The following KBTBD12 variants were observed in gnomAD, a reference collection of about 807,000 sequenced individuals.
The protein encoded by KBTBD12 is kelch repeat and BTB domain containing 12, also known as kelch repeat and BTB domain-containing protein 12.
Under a neutral mutation model 58.7 loss-of-function variants are expected in KBTBD12, and 53 were observed. The observed-to-expected ratio is 0.90, with a 90% CI of 0.72 to 1.14. The LOEUF is 1.14. Ranked by LOEUF, KBTBD12 falls within the 50% of genes most tolerant of loss-of-function variation. The pLI, the probability that KBTBD12 is intolerant of heterozygous loss-of-function variation, is 0.00. For synonymous variants in KBTBD12, 236 were observed against 259.8 expected (o/e 0.91, Z 0.88); for missense variants, 704 against 751.3 (o/e 0.94, Z 0.74).
rs578023708 is a variant in KBTBD12, at chr3:127,921,133, T to G, written c.-112-1817T>G. ...CAGTTTTACCAAGAAAATTGCATAT[T>G]GTACATGCATGGCCTTATTTAATTC... On this transcript the variant is annotated intron_variant, in intron 1 of 5. Coordinates refer to ENST00000405109, the MANE Select transcript of KBTBD12 (RefSeq NM_207335.4). Among the ~76,000 whole-genome samples the G allele has an allele frequency of 2.6e-5, 4 of 152,288 alleles. No individual in the cohort carries two copies. In the South Asian group the frequency reaches 8.3e-4, roughly 32 times the overall value.
intron 3 of KBTBD12, 112 bp downstream of exon 3, chr3:127,928,146 A>C (rs1415986188): frequency 2.2e-6 from 2 of 909,458 alleles, no homozygotes; most frequent in Admixed American, 4.8e-5. Flanking sequence ...CATTTTGGTA[A>C]AATGCTTTCT....
At chr3:127,979,937 A>G (rs1450398043) in intron 5 of KBTBD12, among the ~76,000 whole-genome samples, 2 of 152,242 alleles carry the variant, frequency 1.3e-5, no homozygotes, top group Non-Finnish European at 1.5e-5. Context: ...GCATTCAGTG[A>G]AAGGGTAGTC....
intron 5 of KBTBD12, among the ~76,000 whole-genome samples, chr3:127,981,815 C>T (rs1940877912): frequency 6.6e-6 from 1 of 152,118 alleles, no homozygotes; most frequent in Non-Finnish European, 1.5e-5. Flanking sequence ...TGGCGGGTGC[C>T]TGTAAATATG....
At position 127,923,909 on chromosome 3, in the gene KBTBD12, A is replaced by G. The variant is rs1302204930; in HGVS notation, c.848A>G (p.Asn283Ser). 1.2e-6 allele frequency: 2 copies of G among 1,613,926 alleles called. No homozygotes were observed. The highest frequency in any genetic ancestry group is 1.7e-5 in the Admixed American group (1 of 60,002). The change falls in exon 2 of 6, where the codon AAT becomes AGT. Residue 283 changes from asparagine to serine, a missense_variant. Asn to Ser is a conservative substitution (Grantham distance 46, BLOSUM62 1). Transcript: ENST00000405109. Reference sequence around the variant, plus strand: ...AGTCTTCTGCTTTGCATTGGCAACAATTCTTCAGGAATCAGATCAAGACAT... The same window carrying G: ...AGTCTTCTGCTTTGCATTGGCAACAGTTCTTCAGGAATCAGATCAAGACAT... ...TTSLLLCIGN[N>S]SSGIRSRHRS...
At chr3:127,972,033 T>G (rs1033042928) in intron 5 of KBTBD12, among the ~76,000 whole-genome samples, 2 of 152,220 alleles carry the variant, frequency 1.3e-5, no homozygotes, top group African/African-American at 2.4e-5. Context: ...GAAAATGCAC[T>G]GGGAAGTACT....
intron 1 of KBTBD12, among the ~76,000 whole-genome samples, chr3:127,917,774 C>A (rs1939289435): frequency 6.6e-6 from 1 of 152,126 alleles, no homozygotes; most frequent in African/African-American, 2.4e-5. Context: ...TAGAAAAAAT[C>A]TTGAATATAA....
At chr3:127,954,442 G>A (rs1449206522) in intron 4 of KBTBD12, among the ~76,000 whole-genome samples, 1 of 152,130 alleles carries the variant, frequency 6.6e-6, no homozygotes, top group Non-Finnish European at 1.5e-5. Context: ...TTTAAATATG[G>A]TACCAGGGGC....
chr3:127,934,616 TACATA>T (rs1241032304), intron 4 of KBTBD12, among the ~76,000 whole-genome samples: 1 of 152,042 alleles, frequency 6.6e-6, no homozygotes, highest in Admixed American at 6.6e-5. Flanking sequence ...CTCACCTAAA[TACATA>T]ACAGAAGAAC....
At chr3:127,927,052 T>C (rs992382578) in intron 2 of KBTBD12, among the ~76,000 whole-genome samples, 12 of 152,114 alleles carry the variant, frequency 7.9e-5, no homozygotes, top group African/African-American at 2.9e-4. Context: ...AATCAGTTAA[T>C]GTGTTGGACT....
At chr3:127,932,532 T>A (rs72975938) in intron 4 of KBTBD12, among the ~76,000 whole-genome samples, 8,559 of 152,196 alleles carry the variant, frequency 0.056, 280 homozygotes, top group East Asian at 0.097. Context: ...ATAATGGATT[T>A]AATTTCTTAC....
At chr3:127,918,720 A>AC (rs1043618406) in intron 1 of KBTBD12, among the ~76,000 whole-genome samples, 1 of 151,910 alleles carries the variant, frequency 6.6e-6, no homozygotes, top group Non-Finnish European at 1.5e-5. Flanking sequence ...TCAAAAAAAA[A>AC]AAAAAGAAAA....
At chr3:127,948,299 G>A (rs1324469525) in intron 4 of KBTBD12, among the ~76,000 whole-genome samples, 2 of 151,836 alleles carry the variant, frequency 1.3e-5, no homozygotes, top group Admixed American at 1.3e-4. Flanking sequence ...GTTAGCAGAG[G>A]CCTTGGGGAG....
intron 4 of KBTBD12, among the ~76,000 whole-genome samples, chr3:127,950,043 G>T (rs1356228390): frequency 6.6e-6 from 1 of 152,100 alleles, no homozygotes; most frequent in Non-Finnish European, 1.5e-5. Context: ...TTAAGAGTTG[G>T]CTTTATAGTT....
intron 4 of KBTBD12, among the ~76,000 whole-genome samples, chr3:127,958,014 A>T (rs942778463): frequency 6.6e-6 from 1 of 152,170 alleles, no homozygotes. Context: ...GAGGAGGAGA[A>T]GAGGCCATTC....
intron 5 of KBTBD12, among the ~76,000 whole-genome samples, chr3:127,973,140 G>T (rs1333040502): frequency 6.6e-6 from 1 of 152,094 alleles, no homozygotes; most frequent in Admixed American, 6.5e-5. Context: ...ATTCAGTATA[G>T]AGTCTTCTCA....
At chr3:127,945,587 A>T in intron 4 of KBTBD12, among the ~76,000 whole-genome samples, 1 of 150,240 alleles carries the variant, frequency 6.7e-6, no homozygotes, top group South Asian at 2.1e-4. Context: ...GGTTATTTGT[A>T]TTTATTTTGA....
chr3:127,956,125 C>G (rs1359185279), intron 4 of KBTBD12, among the ~76,000 whole-genome samples: 1 of 152,260 alleles, frequency 6.6e-6, no homozygotes, highest in African/African-American at 2.4e-5. Context: ...GAGTGAATGG[C>G]TCATTATGTT....
chr3:127,941,250 A>C (rs1211970660), intron 4 of KBTBD12, among the ~76,000 whole-genome samples: 2 of 152,186 alleles, frequency 1.3e-5, no homozygotes, highest in Non-Finnish European at 2.9e-5. Flanking sequence ...GATCAATATC[A>C]CTCTTAAACA....
At chr3:127,936,793 G>T (rs182850616) in intron 4 of KBTBD12, among the ~76,000 whole-genome samples, 110 of 152,238 alleles carry the variant, frequency 7.2e-4, no homozygotes, top group African/African-American at 2.6e-3. Flanking sequence ...TATACTAGAA[G>T]TAAACCTGCC....
Sources: gnomAD v4.1 joint callset for allele counts (sites outside exome capture counted in the v4.1 genomes callset) on GRCh38, gnomAD v4.1.1 for gene constraint, MANE v1.5 for transcripts, NCBI Gene and HGNC (gene_info 2026-07-23, HGNC 2026-07-21) for gene names.